FHIT: variants seen among roughly 807,000 people sequenced by gnomAD.
FHIT encodes fragile histidine triad diadenosine triphosphatase.
A neutral mutation model predicts 17.9 loss-of-function variants in FHIT; 19 were observed. The ratio of observed to expected loss-of-function variants is 1.06; its 90% CI spans 0.74 to 1.56. The LOEUF is 1.56. Ranked by LOEUF, FHIT falls within the 40% of genes most tolerant of loss-of-function variation. The probability of loss-of-function intolerance (pLI) is 0.00; values close to 1 mark genes in which losing one functional copy is unlikely to be tolerated. For synonymous variants in FHIT, 81 were observed against 69.7 expected, an observed-to-expected ratio of 1.16 and a Z score of -0.81; for missense variants, 248 against 189.2, an observed-to-expected ratio of 1.31 and a Z score of -1.82.
chr3:60,102,996 T>C (rs949473798), intron 5 of FHIT, among the ~76,000 whole-genome samples: 2 of 152,160 alleles, frequency 1.3e-5, no homozygotes, highest in African/African-American at 4.8e-5. Flanking sequence ...TCTGAGCACA[T>C]GTGACAATGA....
intron 5 of FHIT, among the ~76,000 whole-genome samples, chr3:60,024,252 TGAAA>T (rs1423772573): frequency 1.3e-5 from 2 of 152,036 alleles, no homozygotes; most frequent in African/African-American, 4.8e-5. Flanking sequence ...TTCAAATAAA[TGAAA>T]GAGAGTCACA....
chr3:60,256,360 T>A (rs1366234531), intron 5 of FHIT, among the ~76,000 whole-genome samples: 1 of 152,182 alleles, frequency 6.6e-6, no homozygotes, highest in Admixed American at 6.5e-5. Context: ...AATTTACCCA[T>A]TTTTCTCAAG....
chr3:60,158,006 G>C (rs1700777938), intron 5 of FHIT, among the ~76,000 whole-genome samples: 1 of 152,178 alleles, frequency 6.6e-6, no homozygotes, highest in Non-Finnish European at 1.5e-5. Flanking sequence ...TTCTTCCTTA[G>C]AAGCATGAGC....
intron 5 of FHIT, among the ~76,000 whole-genome samples, chr3:60,299,685 T>G (rs537174958): frequency 1.3e-5 from 2 of 152,072 alleles, no homozygotes; most frequent in Non-Finnish European, 2.9e-5. Flanking sequence ...AGGCTCCCCA[T>G]GTGGACTCGT....
chr3:60,502,242 C>T (rs1158984848), intron 5 of FHIT, among the ~76,000 whole-genome samples: 1 of 151,972 alleles, frequency 6.6e-6, no homozygotes. Flanking sequence ...GTTATTAATC[C>T]CAGCAGCCTG....
chr3:61,109,959 T>A (rs1559989398), intron 2 of FHIT, among the ~76,000 whole-genome samples: 1 of 152,116 alleles, frequency 6.6e-6, no homozygotes, highest in Non-Finnish European at 1.5e-5. Context: ...AGCTCTACCC[T>A]GACCTCCAAA....
chr3:60,195,561 T>TATATATATATATA (rs61215575), intron 5 of FHIT, among the ~76,000 whole-genome samples: 4 of 21,170 alleles, frequency 1.9e-4, no homozygotes, highest in South Asian at 1.7e-3. Flanking sequence ...ATATATATAT[T>TATATATATATATA]TATATTTATA....
At chr3:59,938,523 T>C (rs1706354074) in intron 7 of FHIT, among the ~76,000 whole-genome samples, 1 of 152,102 alleles carries the variant, frequency 6.6e-6, no homozygotes, top group Admixed American at 6.6e-5. Flanking sequence ...GTATTTGGGA[T>C]TCCTGCCAAA....
chr3:60,403,673 G>A lies in FHIT; in HGVS notation c.103+133187C>T, dbSNP rs551994824. ...CCAGAAGCAAGGAATGCTGCTGAGA[G>A]GCAAAGATGAATGCAGACACACCTT... On this transcript the variant is annotated intron_variant, in intron 5 of 9. Coordinates refer to ENST00000492590, the MANE Select transcript of FHIT (RefSeq NM_002012.4). Among the ~76,000 whole-genome samples the A allele has an allele frequency of 5.3e-5, 8 of 152,286 alleles. No individual in the cohort carries two copies. The South Asian group carries it at 1.7e-3, about 32-fold the overall frequency.
At chr3:60,477,712 A>G (rs2033416157) in intron 5 of FHIT, among the ~76,000 whole-genome samples, 1 of 152,242 alleles carries the variant, frequency 6.6e-6, no homozygotes, top group Non-Finnish European at 1.5e-5. Flanking sequence ...GCATGTAGAT[A>G]TAAACATGTA....
At chr3:60,643,193 A>G (rs1291451178) in intron 4 of FHIT, among the ~76,000 whole-genome samples, 5 of 152,142 alleles carry the variant, frequency 3.3e-5, no homozygotes, top group Admixed American at 6.5e-5. Flanking sequence ...TCTAGAGACC[A>G]TCTACGTTTT....
intron 5 of FHIT, among the ~76,000 whole-genome samples, chr3:60,497,741 T>C (rs959658958): frequency 1.1e-4 from 17 of 152,200 alleles, no homozygotes; most frequent in African/African-American, 4.1e-4. Flanking sequence ...CAGATCATAA[T>C]AATTCCAGGC....
intron 5 of FHIT, among the ~76,000 whole-genome samples, chr3:60,333,476 GT>G (rs11291510): frequency 0.99 from 147,716 of 148,980 alleles, 73,235 homozygotes; most frequent in Middle Eastern, 1. Flanking sequence ...TATTTGAACT[GT>G]TTTTTTTTTT....
chr3:60,007,961 T>G (rs901277522), intron 7 of FHIT, among the ~76,000 whole-genome samples: 1 of 152,156 alleles, frequency 6.6e-6, no homozygotes, highest in African/African-American at 2.4e-5. Context: ...TTTTCTCAGT[T>G]TCCTTCACCT....
At chr3:60,463,116 A>T (rs1421315319) in intron 5 of FHIT, among the ~76,000 whole-genome samples, 1 of 152,198 alleles carries the variant, frequency 6.6e-6, no homozygotes, top group Admixed American at 6.5e-5. Flanking sequence ...TACTCTCTTC[A>T]AAATCTTTTC....
At chr3:60,795,515 T>G (rs984853201) in intron 4 of FHIT, among the ~76,000 whole-genome samples, 3 of 151,704 alleles carry the variant, frequency 2.0e-5, no homozygotes, top group East Asian at 1.9e-4. Context: ...TTTGTTTTTT[T>G]TTTTTTAAGA....
chr3:60,002,504 GCACTAA>G (rs1210338985), intron 7 of FHIT, among the ~76,000 whole-genome samples: 1 of 152,174 alleles, frequency 6.6e-6, no homozygotes, highest in Admixed American at 6.5e-5. Flanking sequence ...CCCTTTCCCA[GCACTAA>G]CATAATTGAC....
rs1414350519 is a variant in FHIT at position 60,739,493 on chromosome 3, C to A, written c.-18+82426G>T. Reference sequence around the variant, plus strand: ...CATGGTGGTTGAACAGAGAGCCGCACCCCTGTCGCATGCCCCATGAGTGGG... The same window carrying A: ...CATGGTGGTTGAACAGAGAGCCGCAACCCTGTCGCATGCCCCATGAGTGGG... On this transcript the variant is annotated intron_variant, in intron 4 of 9. Transcript: ENST00000492590. Among the ~76,000 whole-genome samples the A allele has an allele frequency of 3.3e-5, 5 of 152,190 alleles. No homozygotes were observed. The East Asian group carries it at 5.8e-4, about 18-fold the overall frequency.
intron 5 of FHIT, among the ~76,000 whole-genome samples, chr3:60,055,281 T>C (rs1367021636): frequency 6.6e-6 from 1 of 151,894 alleles, no homozygotes; most frequent in Non-Finnish European, 1.5e-5. Flanking sequence ...ACATCTAGAG[T>C]GGGCCTCTTT....
Sources: allele counts gnomAD v4.1 joint callset (sites outside exome capture counted in the v4.1 genomes callset), GRCh38; gene constraint gnomAD v4.1.1; transcripts MANE v1.5; gene names NCBI Gene and HGNC (gene_info 2026-07-23, HGNC 2026-07-21).